Variants in PDK3 observed in about 807,000 individuals in gnomAD.
The protein encoded by PDK3 is pyruvate dehydrogenase kinase, isozyme 3.
PDK3 carries 12 observed loss-of-function variants against 32.0 expected under a neutral mutation model. The ratio of observed to expected loss-of-function variants is 0.37; its 90% confidence interval spans 0.24 to 0.61. The LOEUF (loss-of-function observed/expected upper bound fraction) is 0.61, where lower values mean the gene tolerates loss of function less well. PDK3 is among the 20% of genes least tolerant of loss of function. The pLI is 0.65. For synonymous variants in PDK3, 122 were observed against 116.3 expected, an observed-to-expected ratio of 1.05 and a Z score of -0.31; for missense variants, 188 against 316.9, an observed-to-expected ratio of 0.59 and a Z score of 3.09.
intron 1 of PDK3, among the ~76,000 whole-genome samples, chrX:24,477,409 G>A (rs1921137993): frequency 8.9e-6 from 1 of 111,895 alleles, no homozygotes; most frequent in African/African-American, 3.2e-5. Flanking sequence ...CTCTTGTGCT[G>A]TGTAAATATC....
chrX:24,549,828 TA>T (rs1183397180), exon 12 of PDK3: 1 of 112,149 alleles, frequency 8.9e-6, no homozygotes, highest in African/African-American at 3.2e-5. Context: ...GAAATTTAAA[TA>T]TTTCCCAGAT....
exon 12 of PDK3, among the ~76,000 whole-genome samples, chrX:24,541,211 G>A (rs1013927841): frequency 9.2e-6 from 1 of 109,149 alleles, no homozygotes; most frequent in African/African-American, 3.3e-5. Flanking sequence ...GCGCCCAGCC[G>A]ACCCTAGCTT....
At chrX:24,524,372 T>C (rs1922472943) in intron 6 of PDK3, among the ~76,000 whole-genome samples, 1 of 111,412 alleles carries the variant, frequency 9.0e-6, no homozygotes, top group South Asian at 3.8e-4. Context: ...AAACTGGAAG[T>C]AGGTATGGAA....
chrX:24,528,532 G>A (rs1404140392), intron 9 of PDK3, among the ~76,000 whole-genome samples: 2 of 112,543 alleles, frequency 1.8e-5, no homozygotes, highest in Admixed American at 9.4e-5. Flanking sequence ...TGAGCAAAGG[G>A]ACAGTACTGA....
At chrX:24,527,727 T>A in intron 8 of PDK3, 52 bp downstream of exon 8, 1 of 681,930 alleles carries the variant, frequency 1.5e-6, no homozygotes, top group Non-Finnish European at 2.2e-6. Context: ...GATTTAATAG[T>A]ATCTAGACAT....
chrX:24,541,369 T>G (rs746202918), exon 12 of PDK3, among the ~76,000 whole-genome samples: 4 of 111,248 alleles, frequency 3.6e-5, no homozygotes, highest in Non-Finnish European at 7.5e-5. Flanking sequence ...TTCTCTTGTT[T>G]GAGGAAGGCC....
At chrX:24,493,657 T>G (rs1373987204) in intron 1 of PDK3, among the ~76,000 whole-genome samples, 1 of 111,831 alleles carries the variant, frequency 8.9e-6, no homozygotes, top group Non-Finnish European at 1.9e-5. Flanking sequence ...GAAGGACCAG[T>G]GTTTGTCCAA....
intron 5 of PDK3, among the ~76,000 whole-genome samples, chrX:24,507,857 T>A (rs775352721): frequency 9.0e-6 from 1 of 111,273 alleles, no homozygotes; most frequent in South Asian, 3.8e-4. Context: ...TATTTACACA[T>A]GATATGAAAT....
chrX:24,503,311 T>C lies in PDK3; in HGVS notation c.321-16T>C. The stretch of plus-strand genomic sequence containing the variant: ...AGATATTAAGACTGACCACGTTTTG[T>C]TTCCCTCTCACACAGCTTTCTACAA... On this transcript the variant is annotated splice_polypyrimidine_tract_variant and intron_variant, in intron 3 of 10. Coordinates refer to ENST00000379162, the MANE Select transcript of PDK3 (RefSeq NM_005391.5). 2 of 1,181,132 alleles carry C rather than the reference T, an allele frequency of 1.7e-6. No homozygotes were observed. The highest frequency in any genetic ancestry group is 1.9e-5 in the South Asian group (1 of 52,231).
rs778232877 is a variant in PDK3 at position 24,503,627 on chromosome X, A to G, written c.505+116A>G. 5.7e-6 allele frequency: 3 copies of G among 530,143 alleles called. No homozygotes were observed. The East Asian group carries it at 1.2e-4, about 20-fold the overall frequency. 43.7% of individuals were successfully genotyped at this position (530,143 alleles called of 1,213,427 possible). ...TTTTGGTTGTAGAAATTTCATTTCT[A>G]GTTCGGTTTTTCCTAAGTGAATCCT... On this transcript the variant is annotated intron_variant, in intron 4 of 10. Coordinates refer to ENST00000379162, the MANE Select transcript of PDK3 (RefSeq NM_005391.5).
chrX:24,513,979 G>C (rs993073890), intron 5 of PDK3, among the ~76,000 whole-genome samples: 1 of 111,224 alleles, frequency 9.0e-6, no homozygotes, highest in Admixed American at 9.6e-5. Context: ...TCAAAGTTAG[G>C]GACCTTGGCA....
chrX:24,506,380 A>T (rs756802400), intron 5 of PDK3, among the ~76,000 whole-genome samples: 1 of 112,458 alleles, frequency 8.9e-6, no homozygotes, highest in Non-Finnish European at 1.9e-5. Flanking sequence ...ATCATAGCTT[A>T]CATGTTCATT....
intron 5 of PDK3, among the ~76,000 whole-genome samples, chrX:24,518,676 G>A (rs952594977): frequency 1.8e-5 from 2 of 111,863 alleles, no homozygotes; most frequent in Non-Finnish European, 3.8e-5. Flanking sequence ...AGAGTGAGAC[G>A]CTGTCTTGGA....
At chrX:24,475,792 T>G (rs1392939502) in intron 1 of PDK3, among the ~76,000 whole-genome samples, 1 of 111,556 alleles carries the variant, frequency 9.0e-6, no homozygotes, top group Non-Finnish European at 1.9e-5. Context: ...TAAGGCTGCA[T>G]TTTAACATGG....
intron 1 of PDK3, among the ~76,000 whole-genome samples, chrX:24,468,997 T>C (rs1920968184): frequency 8.9e-6 from 1 of 112,037 alleles, no homozygotes; most frequent in Non-Finnish European, 1.9e-5. Flanking sequence ...TGTCTGTTCC[T>C]TGTTTTTTGA....
intron 1 of PDK3, among the ~76,000 whole-genome samples, chrX:24,492,359 TGGGTG>T (rs1257772988): frequency 2.8e-5 from 3 of 107,120 alleles, no homozygotes; most frequent in African/African-American, 1.0e-4. Context: ...GAGGCCAAGG[TGGGTG>T]GATCACTTGA....
Position 24,465,978 on chromosome X carries a change from A to G in PDK3, c.106+417A>G, listed in dbSNP as rs1019808868. On this transcript the variant is annotated intron_variant, in intron 1 of 10. Coordinates refer to ENST00000379162, the MANE Select transcript of PDK3 (RefSeq NM_005391.5). ...GAAATACCTTGAGGTTGAATAAATT[A>G]TGCAATGGCATTTTGTTCCTTTTCT... is the stretch of plus-strand genomic sequence containing the variant. Among the ~76,000 whole-genome samples, 4 of 109,811 alleles carry G rather than the reference A, an allele frequency of 3.6e-5. No homozygotes were observed. In the Admixed American group the frequency reaches 3.9e-4, roughly 11 times the overall value.
rs1316957656 is a variant in PDK3 at position 24,465,702 on chromosome X, C to T, written c.106+141C>T. On this transcript the variant is annotated intron_variant, in intron 1 of 10. Coordinates refer to ENST00000379162, the MANE Select transcript of PDK3 (RefSeq NM_005391.5). ...ATATCCGGGGGGCTCTCCTGGGGCT[C>T]GGATTTCGGGGCGCGGAGGGGCAGG... 9 of 478,253 alleles carry T rather than the reference C, an allele frequency of 1.9e-5. No individual in the cohort carries two copies. In the African/African-American group the frequency reaches 2.0e-4, roughly 10 times the overall value. 39.4% of individuals were successfully genotyped at this position (478,253 alleles called of 1,213,427 possible).
chrX:24,473,113 C>T (rs376717766), intron 1 of PDK3, among the ~76,000 whole-genome samples: 4 of 108,941 alleles, frequency 3.7e-5, no homozygotes, highest in African/African-American at 6.7e-5. Flanking sequence ...CAGTGGCTCA[C>T]GCCTGTAATC....
Sources: allele counts gnomAD v4.1 joint callset (sites outside exome capture counted in the v4.1 genomes callset), GRCh38; gene constraint gnomAD v4.1.1; transcripts MANE v1.5; gene names NCBI Gene and HGNC (gene_info 2026-07-23, HGNC 2026-07-21).